Variants in CLSTN2 observed in about 807,000 individuals in gnomAD.
CLSTN2 encodes the protein calsyntenin 2.
CLSTN2 carries 48 observed loss-of-function variants against 101.2 expected under a neutral mutation model. The ratio of observed to expected loss-of-function variants is 0.47; its 90% CI spans 0.38 to 0.60. The LOEUF is 0.60. CLSTN2 is among the 20% of genes least tolerant of loss of function. CLSTN2 has a pLI of 0.00. For synonymous variants in CLSTN2, 481 were observed against 463.6 expected (o/e 1.04, Z -0.48); for missense variants, 1,160 against 1,238.2 (o/e 0.94, Z 0.95).
chr3:140,208,689 G>T (rs560200251), intron 2 of CLSTN2, among the ~76,000 whole-genome samples: 6 of 152,022 alleles, frequency 3.9e-5, no homozygotes, highest in Non-Finnish European at 7.4e-5. Flanking sequence ...TAATTCTAAG[G>T]TTGCATTTTG....
chr3:140,561,861 T>C (rs1487338866), intron 12 of CLSTN2, among the ~76,000 whole-genome samples: 1 of 152,240 alleles, frequency 6.6e-6, no homozygotes, highest in East Asian at 1.9e-4. Flanking sequence ...TCTAACACTA[T>C]GCAGCTTCTC....
chr3:140,106,635 G>A (rs575438692), intron 1 of CLSTN2, among the ~76,000 whole-genome samples: 2 of 152,316 alleles, frequency 1.3e-5, no homozygotes, highest in African/African-American at 4.8e-5. Context: ...ACAGGAAAAT[G>A]GGAGGATCAG....
intron 2 of CLSTN2, among the ~76,000 whole-genome samples, chr3:140,197,105 C>T (rs2010655369): frequency 6.6e-6 from 1 of 152,182 alleles, no homozygotes. Flanking sequence ...GCAAATACAA[C>T]CCTGCCTGGC....
chr3:139,988,031 C>G (rs991666627), intron 1 of CLSTN2, among the ~76,000 whole-genome samples: 16 of 152,164 alleles, frequency 1.1e-4, no homozygotes, highest in African/African-American at 3.9e-4. Flanking sequence ...GGAAGACCAG[C>G]ACTAGATATC....
Position 140,517,232 on chromosome 3 carries a change from G to A in CLSTN2, c.1345-15092G>A, listed in dbSNP as rs1227727159. 3.3e-5 allele frequency among the ~76,000 whole-genome samples: 5 copies of A among 152,034 alleles called. No homozygotes were observed. In the South Asian group the frequency reaches 1.0e-3, roughly 32 times the overall value. On this transcript the variant is annotated intron_variant, in intron 8 of 16. Transcript: ENST00000458420. Reference sequence around the variant, plus strand: ...TTACTGAAGATTTTTCCCTTCATATGTTGTATTCATTAAATTGGACTTCAC... The same window carrying A: ...TTACTGAAGATTTTTCCCTTCATATATTGTATTCATTAAATTGGACTTCAC...
intron 2 of CLSTN2, among the ~76,000 whole-genome samples, chr3:140,329,956 G>A (rs554283390): frequency 3.9e-5 from 6 of 152,344 alleles, no homozygotes; most frequent in Admixed American, 3.3e-4. Flanking sequence ...TGCCCAGCCT[G>A]GCCCCTGAGA....
chr3:140,523,937 A>G (rs1203620448), intron 8 of CLSTN2, among the ~76,000 whole-genome samples: 1 of 152,184 alleles, frequency 6.6e-6, no homozygotes, highest in African/African-American at 2.4e-5. Context: ...CTGTCTTGCA[A>G]TAGCCTGTCT....
intron 2 of CLSTN2, among the ~76,000 whole-genome samples, chr3:140,185,072 G>A (rs2107833482): frequency 6.6e-6 from 1 of 152,266 alleles, no homozygotes; most frequent in Non-Finnish European, 1.5e-5. Context: ...GGGCTTCCCT[G>A]TTTATTGTTC....
intron 8 of CLSTN2, among the ~76,000 whole-genome samples, chr3:140,490,477 G>T (rs1369671007): frequency 1.3e-5 from 2 of 151,332 alleles, no homozygotes; most frequent in Non-Finnish European, 2.9e-5. Context: ...CACAAAGAAG[G>T]CTCTCATCCT....
At chr3:140,327,629 C>A (rs2107927270) in intron 2 of CLSTN2, among the ~76,000 whole-genome samples, 1 of 152,336 alleles carries the variant, frequency 6.6e-6, no homozygotes, top group Non-Finnish European at 1.5e-5. Context: ...CAAGTGTTGG[C>A]TCCACTGACA....
At chr3:140,060,231 A>T (rs16849766) in intron 1 of CLSTN2, among the ~76,000 whole-genome samples, 8 of 152,112 alleles carry the variant, frequency 5.3e-5, no homozygotes, top group Non-Finnish European at 1.2e-4. Flanking sequence ...CCGTTGTGAA[A>T]GCTGAAAGAC....
intron 1 of CLSTN2, among the ~76,000 whole-genome samples, chr3:140,167,183 T>C (rs1175814465): frequency 2.6e-5 from 4 of 152,236 alleles, no homozygotes; most frequent in Non-Finnish European, 5.9e-5. Flanking sequence ...GTAATGTGAA[T>C]GCCGTCTCAG....
chr3:140,315,048 C>G (rs2087215464), intron 2 of CLSTN2, among the ~76,000 whole-genome samples: 1 of 152,144 alleles, frequency 6.6e-6, no homozygotes. Flanking sequence ...TATGCCAAGG[C>G]AGTTATTAGA....
intron 9 of CLSTN2, among the ~76,000 whole-genome samples, chr3:140,540,977 A>G (rs1034075459): frequency 6.6e-6 from 1 of 152,242 alleles, no homozygotes; most frequent in East Asian, 1.9e-4. Context: ...TAAGACAACC[A>G]TGTATTCCAG....
intron 1 of CLSTN2, among the ~76,000 whole-genome samples, chr3:140,101,045 T>C (rs532324193): frequency 1.3e-5 from 2 of 152,206 alleles, no homozygotes; most frequent in Admixed American, 6.5e-5. Context: ...CCTGGTACAC[T>C]GGGGTCACAC....
At chr3:140,543,969 C>T (rs1478699620) in intron 9 of CLSTN2, among the ~76,000 whole-genome samples, 2 of 152,198 alleles carry the variant, frequency 1.3e-5, no homozygotes, top group South Asian at 2.1e-4. Context: ...GAACTAAAGA[C>T]AGTCTGTCTC....
At chr3:140,044,728 T>G (rs2007834252) in intron 1 of CLSTN2, among the ~76,000 whole-genome samples, 1 of 152,236 alleles carries the variant, frequency 6.6e-6, no homozygotes, top group Non-Finnish European at 1.5e-5. Flanking sequence ...TATTGAGAGT[T>G]TTTAGCATGA....
chr3:140,538,846 T>C (rs1408315243), intron 9 of CLSTN2, among the ~76,000 whole-genome samples: 1 of 152,170 alleles, frequency 6.6e-6, no homozygotes, highest in Admixed American at 6.5e-5. Flanking sequence ...AAGGCCAAGG[T>C]CAAGTCGGGG....
At chr3:140,157,987 C>T (rs1035486152) in intron 1 of CLSTN2, among the ~76,000 whole-genome samples, 2 of 152,032 alleles carry the variant, frequency 1.3e-5, no homozygotes, top group African/African-American at 4.8e-5. Flanking sequence ...TGATCTTAGC[C>T]AAAAGGCCGA....
Sources: gnomAD v4.1 joint callset for allele counts (sites outside exome capture counted in the v4.1 genomes callset) on GRCh38, gnomAD v4.1.1 for gene constraint, MANE v1.5 for transcripts, NCBI Gene and HGNC (gene_info 2026-07-23, HGNC 2026-07-21) for gene names.